ZNF512: variants seen among roughly 807,000 people sequenced by gnomAD.
The protein encoded by ZNF512 is zinc finger protein 512.
A neutral mutation model predicts 77.5 loss-of-function variants in ZNF512; 25 were observed. The ratio of observed to expected loss-of-function variants is 0.32; its 90% CI spans 0.23 to 0.45. The LOEUF (loss-of-function observed/expected upper bound fraction) is 0.45. Among genes scored for constraint, ZNF512 ranks in the 20% least tolerant of loss-of-function variants. ZNF512 has a pLI of 1.00. For missense variants in ZNF512, 483 were observed against 692.6 expected, an observed-to-expected ratio of 0.70 and a Z score of 3.40; for synonymous variants, 246 against 239.9, an observed-to-expected ratio of 1.03 and a Z score of -0.24.
rs759771200 is a variant in ZNF512 at position 27,603,320 on chromosome 2, T to G, written c.936+13T>G. The G allele has an allele frequency of 6.2e-7, 1 of 1,613,388 alleles. No homozygotes were observed. Among genetic ancestry groups the G allele is most frequent in the Non-Finnish European group, 8.5e-7 (1 of 1,179,714 alleles). On this transcript the variant is annotated intron_variant, in intron 9 of 13. Coordinates refer to ENST00000355467, the MANE Select transcript of ZNF512 (RefSeq NM_032434.4). ...AGAGCATGGGCCTGTGAGTACTGATTCCTTTCTATACCCTGCGTGGGGATG... is the reference window on the plus strand; with the variant it reads ...AGAGCATGGGCCTGTGAGTACTGATGCCTTTCTATACCCTGCGTGGGGATG...
intron 8 of ZNF512, among the ~76,000 whole-genome samples, chr2:27,602,805 G>C (rs1278826822): frequency 6.6e-6 from 1 of 151,984 alleles, no homozygotes; most frequent in Non-Finnish European, 1.5e-5. Context: ...GGATCCCAGT[G>C]ACCCCTCACT....
intron 9 of ZNF512, 88 bp downstream of exon 9, chr2:27,603,395 C>G: frequency 7.2e-7 from 1 of 1,381,024 alleles, no homozygotes; most frequent in South Asian, 1.4e-5. Context: ...GTGTTTGGTT[C>G]CTCATTTGTA....
chr2:27,595,533 A>G (rs1170955989), intron 2 of ZNF512, among the ~76,000 whole-genome samples: 2 of 151,782 alleles, frequency 1.3e-5, no homozygotes, highest in Non-Finnish European at 2.9e-5. Flanking sequence ...CACTATGCTG[A>G]TCAGGCTGGT....
chr2:27,591,840 A>G (rs1671599725), intron 2 of ZNF512, among the ~76,000 whole-genome samples: 12 of 152,234 alleles, frequency 7.9e-5, no homozygotes, highest in Admixed American at 7.8e-4. Flanking sequence ...CACTGGTTCG[A>G]TTTTAAAGAT....
rs7587335 is a variant in ZNF512, at chr2:27,592,319, A to T, written c.90-5748A>T. 5.1e-3 allele frequency among the ~76,000 whole-genome samples: 737 copies of T among 145,396 alleles called. 3 individuals carry two copies. Among genetic ancestry groups the T allele is most frequent in the African/African-American group, 0.018 (692 of 39,358 alleles). ...TTTTTTTATTTATTTATTTATTTTTATTTTTTTTTTGAGATGGAGTCTCGC... is the reference window on the plus strand; with the variant it reads ...TTTTTTTATTTATTTATTTATTTTTTTTTTTTTTTTGAGATGGAGTCTCGC... On this transcript the variant is annotated intron_variant, in intron 2 of 13. Transcript: ENST00000355467.
chr2:27,603,391 G>A (rs1042237998), intron 9 of ZNF512, 84 bp downstream of exon 9: 9 of 1,426,664 alleles, frequency 6.3e-6, no homozygotes, highest in Non-Finnish European at 8.6e-6. Flanking sequence ...ATATGTGTTT[G>A]GTTCCTCATT....
intron 11 of ZNF512, among the ~76,000 whole-genome samples, chr2:27,615,968 A>T (rs1042827232): frequency 1.1e-4 from 17 of 152,108 alleles, no homozygotes; most frequent in Admixed American, 6.5e-4. Context: ...AGCAGATTTT[A>T]AAAAAAACTA....
intron 12 of ZNF512, 55 bp from the exon 13 acceptor site, chr2:27,617,418 C>A: frequency 1.3e-6 from 1 of 787,842 alleles, no homozygotes; most frequent in Non-Finnish European, 2.3e-6. Context: ...ACACATAGCC[C>A]AGTTATGTTG....
intron 11 of ZNF512, 63 bp from the exon 12 acceptor site, chr2:27,616,199 C>A: frequency 7.8e-7 from 1 of 1,288,980 alleles, no homozygotes; most frequent in Non-Finnish European, 1.1e-6. Flanking sequence ...GTGTAAATGG[C>A]CAGATTGTTC....
intron 3 of ZNF512, among the ~76,000 whole-genome samples, chr2:27,598,699 T>G (rs1442723124): frequency 2.0e-5 from 3 of 151,698 alleles, no homozygotes; most frequent in Non-Finnish European, 4.4e-5. Flanking sequence ...AAATTTAAGG[T>G]GTTAGGCAAT....
intron 2 of ZNF512, among the ~76,000 whole-genome samples, chr2:27,594,736 G>A (rs1247649802): frequency 2.6e-5 from 4 of 152,158 alleles, no homozygotes; most frequent in African/African-American, 9.7e-5. Flanking sequence ...GGTGGCGGCC[G>A]GGCAGAGGCT....
At chr2:27,609,577 T>A (rs1672518917) in intron 10 of ZNF512, among the ~76,000 whole-genome samples, 1 of 152,006 alleles carries the variant, frequency 6.6e-6, no homozygotes, top group African/African-American at 2.4e-5. Context: ...AAAATATTTT[T>A]AAAATTAGTG....
chr2:27,615,600 C>T (rs911448201), intron 11 of ZNF512, among the ~76,000 whole-genome samples: 2 of 152,198 alleles, frequency 1.3e-5, no homozygotes, highest in Non-Finnish European at 2.9e-5. Flanking sequence ...GGGCTACCAG[C>T]AGGGTACACA....
At chr2:27,607,186 A>G (rs1266372783) in intron 9 of ZNF512, among the ~76,000 whole-genome samples, 1 of 152,176 alleles carries the variant, frequency 6.6e-6, no homozygotes, top group Non-Finnish European at 1.5e-5. Context: ...AACTTGACAC[A>G]TCAAAAAACC....
At chr2:27,610,663 C>T (rs375068734) in intron 10 of ZNF512, among the ~76,000 whole-genome samples, 3 of 137,504 alleles carry the variant, frequency 2.2e-5, no homozygotes, top group Admixed American at 1.6e-4. Context: ...TCACTGCATC[C>T]TCTGCCTCCC....
At chr2:27,602,279 A>AT (rs1456614552) in intron 7 of ZNF512, among the ~76,000 whole-genome samples, 184 bp from the exon 8 acceptor site, 1 of 152,180 alleles carries the variant, frequency 6.6e-6, no homozygotes, top group Non-Finnish European at 1.5e-5. Flanking sequence ...CAGAACTCTT[A>AT]TTTCCATTAT....
chr2:27,602,356 A>G (rs946351616), intron 7 of ZNF512, 107 bp from the exon 8 acceptor site: 27 of 1,089,908 alleles, frequency 2.5e-5, no homozygotes, highest in Non-Finnish European at 7.8e-6. Flanking sequence ...CTTCATTGGC[A>G]CCAGCTTAGC....
intron 12 of ZNF512, among the ~76,000 whole-genome samples, chr2:27,616,717 C>G (rs866065189): frequency 1.3e-5 from 2 of 152,176 alleles, no homozygotes; most frequent in African/African-American, 4.8e-5. Flanking sequence ...TAAAGATCCT[C>G]TATACCCATC....
chr2:27,615,496 A>C (rs1276936526), intron 11 of ZNF512, among the ~76,000 whole-genome samples: 1 of 152,244 alleles, frequency 6.6e-6, no homozygotes, highest in Non-Finnish European at 1.5e-5. Context: ...TTCAACTGGA[A>C]ACTCAGACTG....
Sources: allele counts gnomAD v4.1 joint callset (sites outside exome capture counted in the v4.1 genomes callset), GRCh38; gene constraint gnomAD v4.1.1; transcripts MANE v1.5; gene names NCBI Gene and HGNC (gene_info 2026-07-23, HGNC 2026-07-21).